IFT88: variants seen among roughly 807,000 people sequenced by gnomAD.
IFT88 encodes the protein intraflagellar transport protein 88 homolog.
A neutral mutation model predicts 119.5 loss-of-function variants in IFT88; 74 were observed. That is an observed-to-expected ratio of 0.62 (90% confidence interval 0.51 to 0.75). The LOEUF (loss-of-function observed/expected upper bound fraction) is 0.75. Ranked by LOEUF, IFT88 falls within the 30% of genes least tolerant of loss-of-function variation. The pLI is 0.00. For synonymous variants in IFT88, 279 were observed against 316.7 expected, an observed-to-expected ratio of 0.88 and a Z score of 1.26; for missense variants, 961 against 977.7, an observed-to-expected ratio of 0.98 and a Z score of 0.23.
intron 2 of IFT88, among the ~76,000 whole-genome samples, chr13:20,577,668 A>T (rs565641254): frequency 6.6e-6 from 1 of 152,260 alleles, no homozygotes; most frequent in South Asian, 2.1e-4. Flanking sequence ...ATTGATTTGC[A>T]TAAGTTGAAC....
chr13:20,627,900 C>T (rs2047605793), intron 15 of IFT88, among the ~76,000 whole-genome samples: 1 of 152,060 alleles, frequency 6.6e-6, no homozygotes, highest in African/African-American at 2.4e-5. Flanking sequence ...ATCTTCTGTT[C>T]CATTTGCATT....
rs138700689 is a variant in IFT88 at position 20,574,323 on chromosome 13, AAT to A, written c.-6-44_-6-43del. 2,650 of 899,874 alleles carry A rather than the reference AAT, an allele frequency of 2.9e-3. 1 individual carries two copies. The highest frequency in any genetic ancestry group is 3.3e-3 in the South Asian group (177 of 54,006). 55.7% of individuals were successfully genotyped at this position (899,874 alleles called of 1,614,324 possible). On this transcript the variant is annotated intron_variant, in intron 1 of 25. Coordinates refer to ENST00000351808, the MANE Select transcript of IFT88 (RefSeq NM_006531.5). The stretch of plus-strand genomic sequence containing the variant: ...CAACAGAGCAAGACATATCTCAAAA[AAT>A]ATATATATATATTTCTTATACCAAG...
intron 2 of IFT88, among the ~76,000 whole-genome samples, chr13:20,575,537 C>A (rs2037218132): frequency 6.6e-6 from 1 of 152,094 alleles, no homozygotes; most frequent in African/African-American, 2.4e-5. Flanking sequence ...GCGATAGGAT[C>A]ATGAGAGTGG....
At chr13:20,649,118 G>A (rs1860097705) in intron 20 of IFT88, among the ~76,000 whole-genome samples, 1 of 152,112 alleles carries the variant, frequency 6.6e-6, no homozygotes, top group Admixed American at 6.5e-5. Context: ...ACCTCACACG[G>A]AAGATAAATA....
At chr13:20,638,890 AAC>A (rs1476322612) in intron 17 of IFT88, among the ~76,000 whole-genome samples, 2 of 152,238 alleles carry the variant, frequency 1.3e-5, no homozygotes, top group Non-Finnish European at 2.9e-5. Flanking sequence ...AACAATTTCA[AAC>A]ATGCACAAAA....
intron 5 of IFT88, 143 bp downstream of exon 5, chr13:20,591,163 G>C: frequency 1.6e-6 from 1 of 640,546 alleles, no homozygotes; most frequent in South Asian, 2.0e-5. Context: ...TAAATTGTGG[G>C]CTAAAGTCTA....
intron 21 of IFT88, among the ~76,000 whole-genome samples, chr13:20,655,229 C>T (rs1283850620): frequency 6.6e-6 from 1 of 151,882 alleles, no homozygotes; most frequent in Non-Finnish European, 1.5e-5. Flanking sequence ...GTCAAGAGAT[C>T]GAGACCATCC....
intron 15 of IFT88, among the ~76,000 whole-genome samples, 194 bp downstream of exon 15, chr13:20,626,043 C>CTTTTTTTTTTTTTTTT (rs528587128): frequency 2.5e-5 from 1 of 39,540 alleles, no homozygotes; most frequent in African/African-American, 1.2e-4. Flanking sequence ...TTTGTCGTTT[C>CTTTTTTTTTTTTTTTT]TTTTTTTTTT....
At chr13:20,663,804 G>A (rs1357651426) in intron 23 of IFT88, among the ~76,000 whole-genome samples, 200 bp downstream of exon 23, 1 of 152,186 alleles carries the variant, frequency 6.6e-6, no homozygotes, top group Admixed American at 6.5e-5. Flanking sequence ...GAGAGGAAGT[G>A]CAATAGATTT....
In IFT88 at chr13:20,601,793, A is replaced by T. The variant is rs1330543877; in HGVS notation, c.901A>T (p.Met301Leu). Residue 301 changes from methionine to leucine, a missense_variant, in exon 12 of 26, where the codon ATG (methionine) becomes TTG (leucine). By Grantham distance (15) the Met-to-Leu change is conservative (BLOSUM62 2). Coordinates refer to ENST00000351808, the MANE Select transcript of IFT88 (RefSeq NM_006531.5). ...AINSYEHIMS[M>L]APNLKAGYNL... ...TAATTCATATGAGCACATAATGAGC[A>T]TGGCACCAAATCTGAAGGCAGGCTA... 1 of 1,613,646 alleles carries T rather than the reference A, an allele frequency of 6.2e-7. No individual in the cohort carries two copies. The highest frequency in any genetic ancestry group is 8.5e-7 in the Non-Finnish European group (1 of 1,179,548).
chr13:20,579,318 G>C (rs2038076255), intron 2 of IFT88, among the ~76,000 whole-genome samples: 2 of 152,144 alleles, frequency 1.3e-5, no homozygotes, highest in Admixed American at 1.3e-4. Flanking sequence ...AAATTTGCTT[G>C]GTGCTCTATT....
chr13:20,690,126 T>C (rs1187645264), intron 24 of IFT88, among the ~76,000 whole-genome samples: 1 of 152,180 alleles, frequency 6.6e-6, no homozygotes, highest in Non-Finnish European at 1.5e-5. Flanking sequence ...ACAAACTATA[T>C]TCAAAAACGA....
intron 14 of IFT88, among the ~76,000 whole-genome samples, chr13:20,620,231 G>A (rs767757678): frequency 6.6e-6 from 1 of 151,604 alleles, no homozygotes; most frequent in East Asian, 1.9e-4. Flanking sequence ...TTTCTTTTCT[G>A]TAGTAGGGCT....
rs779781408 is a variant in IFT88, at chr13:20,599,562, TGAGG to T, written c.810_812+1del. 1 of 1,350,714 alleles carries T rather than the reference TGAGG, an allele frequency of 7.4e-7. No individual in the cohort carries two copies. The highest frequency in any genetic ancestry group is 1.0e-6 in the Non-Finnish European group (1 of 959,454). 83.7% of individuals were successfully genotyped at this position (1,350,714 alleles called of 1,614,324 possible). ...CAAGTTCCAAGTGTCAATAAGCAAATGAGGTAAGTTTATAACAATAGATAATAAT... is the reference window on the plus strand; with the variant it reads ...CAAGTTCCAAGTGTCAATAAGCAAATTAAGTTTATAACAATAGATAATAAT... On this transcript the variant is annotated splice_donor_variant and coding_sequence_variant, in exon 11 of 26. Transcript: ENST00000351808. LOFTEE classifies it high-confidence loss of function.
intron 22 of IFT88, among the ~76,000 whole-genome samples, chr13:20,659,832 TGGGGTTTCACCATCTTGG>T (rs2053499895): frequency 6.6e-6 from 1 of 151,942 alleles, no homozygotes; most frequent in Non-Finnish European, 1.5e-5. Context: ...TTAGTAGGGA[TGGGGTTTCACCATCTTGG>T]CCAGGCTGGT....
chr13:20,648,139 G>A (rs964218627), intron 20 of IFT88, among the ~76,000 whole-genome samples: 7 of 152,202 alleles, frequency 4.6e-5, no homozygotes, highest in Non-Finnish European at 1.0e-4. Context: ...GCTTATACCT[G>A]TAATCCCAGC....
intron 22 of IFT88, among the ~76,000 whole-genome samples, chr13:20,657,967 T>C (rs1483533906): frequency 6.6e-6 from 1 of 152,204 alleles, no homozygotes. Context: ...GTTAGCTCAG[T>C]TATGGTCTTT....
chr13:20,638,269 C>T, intron 16 of IFT88, 63 bp from the exon 17 acceptor site: 1 of 887,766 alleles, frequency 1.1e-6, no homozygotes, highest in Non-Finnish European at 1.6e-6. Flanking sequence ...TGTCTGTAAT[C>T]TCAGAACAGT....
chr13:20,654,914 C>T (rs1273761994), intron 21 of IFT88, among the ~76,000 whole-genome samples: 1 of 152,044 alleles, frequency 6.6e-6, no homozygotes, highest in Non-Finnish European at 1.5e-5. Flanking sequence ...TATGGAAGTA[C>T]AGGATAGAAG....
Sources: gnomAD v4.1 joint callset for allele counts (sites outside exome capture counted in the v4.1 genomes callset) on GRCh38, gnomAD v4.1.1 for gene constraint, MANE v1.5 for transcripts, NCBI Gene and HGNC (gene_info 2026-07-23, HGNC 2026-07-21) for gene names.